ROBO1: variants seen among roughly 807,000 people sequenced by gnomAD.
ROBO1 encodes roundabout homolog 1.
Under a neutral mutation model 195.9 loss-of-function variants are expected in ROBO1, and 149 were observed. The ratio of observed to expected loss-of-function variants is 0.76; its 90% CI spans 0.67 to 0.87. ROBO1 has a LOEUF of 0.87. ROBO1 is among the 40% of genes least tolerant of loss of function. The pLI is 0.00. For missense variants in ROBO1, 1,933 were observed against 2,068.3 expected (o/e 0.93, Z 1.27); for synonymous variants, 816 against 733.2 (o/e 1.11, Z -1.82).
intron 1 of ROBO1, among the ~76,000 whole-genome samples, chr3:79,705,272 G>A (rs772327294): frequency 4.6e-5 from 7 of 151,798 alleles, no homozygotes; most frequent in Admixed American, 2.0e-4. Context: ...CCAAATCCAA[G>A]GTCATTTAGA....
chr3:78,849,662 T>C (rs1045609495), intron 4 of ROBO1, among the ~76,000 whole-genome samples: 3 of 152,086 alleles, frequency 2.0e-5, no homozygotes, highest in Non-Finnish European at 4.4e-5. Flanking sequence ...TTTGTAGCTA[T>C]GGTACATAAG....
chr3:79,758,449 C>A (rs1465400042), intron 1 of ROBO1, among the ~76,000 whole-genome samples: 4 of 152,034 alleles, frequency 2.6e-5, no homozygotes, highest in Non-Finnish European at 5.9e-5. Flanking sequence ...CATCTTTGTC[C>A]TAGTTAGTCA....
chr3:78,869,367 A>C (rs545832970), intron 4 of ROBO1, among the ~76,000 whole-genome samples: 16 of 152,344 alleles, frequency 1.1e-4, no homozygotes, highest in African/African-American at 3.4e-4. Context: ...CATTTTAAAC[A>C]AACGTTGATC....
At chr3:79,476,315 T>C (rs1437282379) in intron 2 of ROBO1, among the ~76,000 whole-genome samples, 3 of 152,218 alleles carry the variant, frequency 2.0e-5, no homozygotes, top group Non-Finnish European at 2.9e-5. Context: ...ACAACCATTA[T>C]GGAAAACAGC....
At chr3:78,983,088 T>G (rs1454783131) in intron 3 of ROBO1, among the ~76,000 whole-genome samples, 2 of 152,048 alleles carry the variant, frequency 1.3e-5, no homozygotes, top group African/African-American at 4.8e-5. Flanking sequence ...TTGTAGTTGT[T>G]AAAAGAGATG....
At chr3:78,649,808 T>C (rs746741473) in intron 19 of ROBO1, among the ~76,000 whole-genome samples, 1 of 152,182 alleles carries the variant, frequency 6.6e-6, no homozygotes, top group African/African-American at 2.4e-5. Context: ...ATTAGTTTAA[T>C]AGGTTTTGCA....
chr3:78,816,781 C>CT (rs1451254440), intron 4 of ROBO1, among the ~76,000 whole-genome samples: 2 of 152,094 alleles, frequency 1.3e-5, no homozygotes, highest in African/African-American at 4.8e-5. Flanking sequence ...GACTGAATTG[C>CT]TGCACTCTCA....
At chr3:79,243,283 G>A (rs1015445866) in intron 2 of ROBO1, among the ~76,000 whole-genome samples, 53 of 152,024 alleles carry the variant, frequency 3.5e-4, no homozygotes, top group Admixed American at 1.5e-3. Context: ...GAATAGTGCC[G>A]CTATAAACAT....
intron 8 of ROBO1, among the ~76,000 whole-genome samples, chr3:78,709,392 A>G (rs112822888): frequency 9.2e-4 from 140 of 152,240 alleles, no homozygotes; most frequent in African/African-American, 3.0e-3. Context: ...AGGAATCAGG[A>G]TATTCTTTTT....
At chr3:78,980,875 G>T (rs2076976223) in intron 3 of ROBO1, among the ~76,000 whole-genome samples, 1 of 152,090 alleles carries the variant, frequency 6.6e-6, no homozygotes, top group Non-Finnish European at 1.5e-5. Flanking sequence ...AATAATTATT[G>T]GAAATAACTT....
intron 2 of ROBO1, among the ~76,000 whole-genome samples, chr3:79,534,902 A>T (rs1218349469): frequency 6.6e-6 from 1 of 152,072 alleles, no homozygotes; most frequent in Non-Finnish European, 1.5e-5. Context: ...ACGCATACTA[A>T]CGACTGCAGC....
chr3:78,641,108 G>GTTTA (rs1171886777), intron 21 of ROBO1, among the ~76,000 whole-genome samples: 1 of 121,450 alleles, frequency 8.2e-6, no homozygotes, highest in Non-Finnish European at 1.7e-5. Context: ...GCATTGTTCC[G>GTTTA]TTTGTTTGTT....
intron 2 of ROBO1, among the ~76,000 whole-genome samples, chr3:79,256,801 C>T (rs1348779553): frequency 6.6e-6 from 1 of 152,082 alleles, no homozygotes; most frequent in East Asian, 1.9e-4. Context: ...TAGATATGTC[C>T]TATTTTTAAT....
intron 10 of ROBO1, among the ~76,000 whole-genome samples, chr3:78,676,562 A>AGAAAGG (rs1708443638): frequency 1.3e-5 from 2 of 152,214 alleles, no homozygotes; most frequent in Non-Finnish European, 2.9e-5. Flanking sequence ...ATCAACTGGA[A>AGAAAGG]GAAAGGGTAT....
chr3:79,272,584 C>G (rs1444107319), intron 2 of ROBO1, among the ~76,000 whole-genome samples: 2 of 152,010 alleles, frequency 1.3e-5, no homozygotes, highest in Non-Finnish European at 2.9e-5. Flanking sequence ...GGGCATGGCA[C>G]AGAGAGAGAA....
chr3:78,724,058 G>A (rs916680697), intron 5 of ROBO1, among the ~76,000 whole-genome samples: 1 of 152,104 alleles, frequency 6.6e-6, no homozygotes, highest in African/African-American at 2.4e-5. Context: ...GCCTCACCAA[G>A]CCTGGGAGAC....
intron 4 of ROBO1, among the ~76,000 whole-genome samples, chr3:78,898,824 T>C (rs1229796559): frequency 2.0e-5 from 3 of 152,186 alleles, no homozygotes; most frequent in South Asian, 4.1e-4. Context: ...TGTGTATATA[T>C]ATGTAAAGTG....
intron 2 of ROBO1, among the ~76,000 whole-genome samples, chr3:79,264,331 T>A (rs2082995178): frequency 6.6e-6 from 1 of 151,386 alleles, no homozygotes; most frequent in Admixed American, 6.6e-5. Flanking sequence ...CTTTCTGAAT[T>A]TATATATATA....
intron 8 of ROBO1, among the ~76,000 whole-genome samples, chr3:78,712,294 C>T (rs1486470850): frequency 6.6e-6 from 1 of 152,096 alleles, no homozygotes; most frequent in Non-Finnish European, 1.5e-5. Flanking sequence ...GAGCTATACA[C>T]AAAACACGGA....
Sources: gnomAD v4.1 joint callset for allele counts (sites outside exome capture counted in the v4.1 genomes callset) on GRCh38, gnomAD v4.1.1 for gene constraint, MANE v1.5 for transcripts, NCBI Gene and HGNC (gene_info 2026-07-23, HGNC 2026-07-21) for gene names.